Variants in CDH13 observed in about 807,000 individuals in gnomAD.
CDH13 encodes the protein cadherin 13.
A neutral mutation model predicts 63.8 loss-of-function variants in CDH13; 24 were observed. That is an observed-to-expected ratio of 0.38 (90% CI 0.27 to 0.53). The LOEUF is 0.53. Ranked by LOEUF, CDH13 falls within the 20% of genes least tolerant of loss-of-function variation. CDH13 has a pLI of 0.85. For missense variants in CDH13, 1,049 were observed against 903.1 expected (o/e 1.16, Z -2.07); for synonymous variants, 503 against 355.3 (o/e 1.42, Z -4.67).
rs930206964 is a variant in CDH13 at position 83,652,595 on chromosome 16, T to A, written c.1102-18195T>A. On this transcript the variant is annotated intron_variant, in intron 8 of 13. Transcript: ENST00000567109. The stretch of plus-strand genomic sequence containing the variant: ...GTACCCCCTCTTTACTGGCCCCTCA[T>A]GCCATTCACAAAGCAAGCCCTCATT... 1.3e-5 allele frequency among the ~76,000 whole-genome samples: 2 copies of A among 152,158 alleles called. 1 individual carries two copies. The highest frequency in any genetic ancestry group is 1.3e-4 in the Admixed American group (2 of 15,276).
chr16:82,701,854 C>T (rs1053436988), intron 1 of CDH13, among the ~76,000 whole-genome samples: 2 of 152,156 alleles, frequency 1.3e-5, no homozygotes, highest in Non-Finnish European at 2.9e-5. Context: ...AGGACTTAGT[C>T]ACCTCCCCTC....
chr16:82,739,509 G>A (rs2033838210), intron 1 of CDH13, among the ~76,000 whole-genome samples: 1 of 152,156 alleles, frequency 6.6e-6, no homozygotes, highest in South Asian at 2.1e-4. Flanking sequence ...GTTTACAAAG[G>A]TAAGAATCAT....
At chr16:82,683,327 G>A (rs1914745970) in intron 1 of CDH13, among the ~76,000 whole-genome samples, 1 of 152,060 alleles carries the variant, frequency 6.6e-6, no homozygotes, top group African/African-American at 2.4e-5. Flanking sequence ...CAACCTCCCC[G>A]CTTTCTGGTT....
intron 5 of CDH13, among the ~76,000 whole-genome samples, chr16:83,223,006 C>G (rs1278967883): frequency 6.6e-6 from 1 of 152,106 alleles, no homozygotes; most frequent in Non-Finnish European, 1.5e-5. Context: ...CCCACCCACA[C>G]ACACACCTAA....
rs142595396 is a variant in CDH13 at position 83,359,742 on chromosome 16, T to G, written c.781+14736T>G. Among the ~76,000 whole-genome samples, 1,208 of 152,256 alleles carry G rather than the reference T, an allele frequency of 7.9e-3. 8 individuals are homozygous for G. Among genetic ancestry groups the G allele is most frequent in the Non-Finnish European group, 0.012 (810 of 68,018 alleles). On this transcript the variant is annotated intron_variant, in intron 6 of 13. Coordinates refer to ENST00000567109, the MANE Select transcript of CDH13 (RefSeq NM_001257.5). ...TTGTCACAAATTTGCAATTTCAGAG[T>G]GGTTGTCAGGATTCTCTCTCTCACT... is the stretch of plus-strand genomic sequence containing the variant.
chr16:83,648,520 G>A (rs745429379), intron 8 of CDH13, among the ~76,000 whole-genome samples: 1 of 152,070 alleles, frequency 6.6e-6, no homozygotes, highest in Non-Finnish European at 1.5e-5. Flanking sequence ...TAGTCTGAAT[G>A]CTCAGTCTTT....
intron 1 of CDH13, among the ~76,000 whole-genome samples, chr16:82,742,587 A>G (rs1051191117): frequency 6.6e-6 from 1 of 152,290 alleles, no homozygotes; most frequent in South Asian, 2.1e-4. Flanking sequence ...TTTTCTAAAT[A>G]GAATTGTTCT....
intron 2 of CDH13, among the ~76,000 whole-genome samples, chr16:82,938,401 C>G (rs2042733561): frequency 6.6e-6 from 1 of 152,212 alleles, no homozygotes; most frequent in Non-Finnish European, 1.5e-5. Flanking sequence ...GATTAGCCCT[C>G]TCAAATATCA....
chr16:83,437,192 T>G (rs897736721), intron 6 of CDH13, among the ~76,000 whole-genome samples: 3 of 152,092 alleles, frequency 2.0e-5, no homozygotes, highest in East Asian at 1.9e-4. Flanking sequence ...AGAAGGTGAC[T>G]CTCATTTATC....
intron 2 of CDH13, among the ~76,000 whole-genome samples, chr16:82,878,787 G>C (rs902766603): frequency 1.3e-5 from 2 of 151,934 alleles, no homozygotes; most frequent in African/African-American, 4.8e-5. Flanking sequence ...AAAGCACCAA[G>C]AGTCTGTCAT....
intron 8 of CDH13, 114 bp downstream of exon 8, chr16:83,602,708 C>G: frequency 9.6e-7 from 1 of 1,044,146 alleles, no homozygotes; most frequent in East Asian, 2.4e-5. Context: ...TCAAAATACT[C>G]CTTTGTGGGA....
intron 4 of CDH13, among the ~76,000 whole-genome samples, chr16:83,176,684 AG>A (rs2151737494): frequency 6.6e-6 from 1 of 152,200 alleles, no homozygotes; most frequent in East Asian, 1.9e-4. Flanking sequence ...TTATGGAAGG[AG>A]AATTACTGTC....
At chr16:83,372,894 C>G (rs1438482164) in intron 6 of CDH13, among the ~76,000 whole-genome samples, 1 of 152,106 alleles carries the variant, frequency 6.6e-6, no homozygotes, top group African/African-American at 2.4e-5. Flanking sequence ...ACACAGAATC[C>G]TCACTGCCTA....
chr16:83,573,612 C>G (rs1437397224), intron 7 of CDH13, among the ~76,000 whole-genome samples: 1 of 152,114 alleles, frequency 6.6e-6, no homozygotes, highest in East Asian at 1.9e-4. Flanking sequence ...ATAATTGATA[C>G]AATTTGCCAT....
intron 1 of CDH13, among the ~76,000 whole-genome samples, chr16:82,744,668 G>A (rs1271312970): frequency 6.6e-6 from 1 of 152,198 alleles, no homozygotes; most frequent in African/African-American, 2.4e-5. Context: ...AAAAATCACA[G>A]CTAAGCTGTG....
intron 10 of CDH13, among the ~76,000 whole-genome samples, chr16:83,684,192 C>T (rs546687965): frequency 7.9e-5 from 12 of 152,158 alleles, no homozygotes; most frequent in East Asian, 7.7e-4. Flanking sequence ...CATGACGAAA[C>T]GCCATCTCTA....
chr16:83,649,860 G>C (rs1016255855), intron 8 of CDH13, among the ~76,000 whole-genome samples: 1 of 152,194 alleles, frequency 6.6e-6, no homozygotes. Flanking sequence ...TGATTCAAAA[G>C]GCGGGCCCAG....
chr16:83,145,638 T>A (rs1368962029), intron 4 of CDH13, among the ~76,000 whole-genome samples: 1 of 152,198 alleles, frequency 6.6e-6, no homozygotes, highest in African/African-American at 2.4e-5. Flanking sequence ...TTGAAGAACA[T>A]TCTATAGATC....
chr16:83,460,813 C>T (rs1444640924), intron 6 of CDH13, among the ~76,000 whole-genome samples: 1 of 147,154 alleles, frequency 6.8e-6, no homozygotes, highest in Admixed American at 6.9e-5. Context: ...GCCTGGGCAA[C>T]ATAGCGAGAT....
Sources: gnomAD v4.1 joint callset for allele counts (sites outside exome capture counted in the v4.1 genomes callset) on GRCh38, gnomAD v4.1.1 for gene constraint, MANE v1.5 for transcripts, NCBI Gene and HGNC (gene_info 2026-07-23, HGNC 2026-07-21) for gene names.